The following FECH variants were observed in gnomAD, a reference collection of about 807,000 sequenced individuals.
The protein encoded by FECH is ferrochelatase.
FECH carries 40 observed loss-of-function variants against 56.9 expected under a neutral mutation model. The ratio of observed to expected loss-of-function variants is 0.70; its 90% CI spans 0.55 to 0.92. The LOEUF (loss-of-function observed/expected upper bound fraction) is 0.92, where lower values mean the gene tolerates loss of function less well. FECH is among the 40% of genes least tolerant of loss of function. The probability of loss-of-function intolerance (pLI) is 0.00; values close to 1 mark genes in which losing one functional copy is unlikely to be tolerated. For missense variants in FECH, 431 were observed against 529.1 expected (o/e 0.81, Z 1.82); for synonymous variants, 175 against 198.6 (o/e 0.88, Z 1.00).
chr18:57,581,700 G>A (rs2051280231), intron 1 of FECH, among the ~76,000 whole-genome samples: 1 of 152,216 alleles, frequency 6.6e-6, no homozygotes, highest in Non-Finnish European at 1.5e-5. Context: ...AGGGATTCTT[G>A]AAAGGAGTAG....
At chr18:57,568,493 G>A (rs1437317077) in intron 4 of FECH, among the ~76,000 whole-genome samples, 3 of 152,218 alleles carry the variant, frequency 2.0e-5, no homozygotes, top group African/African-American at 7.2e-5. Flanking sequence ...CCAACAAACA[G>A]TGTTCATGAA....
chr18:57,576,907 G>A (rs896590772), intron 2 of FECH, among the ~76,000 whole-genome samples: 3 of 152,104 alleles, frequency 2.0e-5, no homozygotes, highest in African/African-American at 4.8e-5. Context: ...AGGTCTGAAC[G>A]TTCATGTTCC....
intron 7 of FECH, 51 bp downstream of exon 7, chr18:57,559,094 A>G: frequency 2.4e-6 from 3 of 1,227,164 alleles, no homozygotes; most frequent in Non-Finnish European, 3.6e-6. Context: ...TAGAAAATGA[A>G]ATCACCCAAT....
chr18:57,551,442 C>T, intron 9 of FECH, 68 bp from the exon 10 acceptor site: 1 of 1,253,238 alleles, frequency 8.0e-7, no homozygotes, highest in Non-Finnish European at 1.2e-6. Context: ...TTCAAAGAAA[C>T]TGCTACAAAA....
Position 57,547,387 on chromosome 18 carries a change from G to T in FECH, c.*3325C>A, listed in dbSNP as rs567438587. Among the ~76,000 whole-genome samples the T allele has an allele frequency of 2.0e-5, 3 of 152,078 alleles. No individual in the cohort carries two copies. The highest frequency in any genetic ancestry group is 7.2e-5 in the African/African-American group (3 of 41,406). On this transcript the variant is annotated 3_prime_UTR_variant, in exon 11 of 11. Coordinates refer to ENST00000262093, the MANE Select transcript of FECH (RefSeq NM_000140.5). ...CATAATCCCCACGTGTTGAGGGAGG[G>T]ACCTGGTGGAAGGAGATTGGAACAT...
intron 7 of FECH, among the ~76,000 whole-genome samples, chr18:57,558,546 G>A (rs529597152): frequency 3.0e-4 from 45 of 152,332 alleles, no homozygotes; most frequent in African/African-American, 9.6e-4. Flanking sequence ...GAGCTCTGCT[G>A]ACAGGGCAGG....
intron 7 of FECH, among the ~76,000 whole-genome samples, chr18:57,556,483 A>G (rs980674210): frequency 4.6e-5 from 7 of 152,210 alleles, no homozygotes; most frequent in African/African-American, 1.7e-4. Context: ...TGAGGCACAG[A>G]GCAGGGCCCC....
At chr18:57,563,187 G>A (rs1001020271) in intron 5 of FECH, among the ~76,000 whole-genome samples, 4 of 152,150 alleles carry the variant, frequency 2.6e-5, no homozygotes, top group Admixed American at 1.3e-4. Flanking sequence ...CAATTTCAAT[G>A]GACTTTCAAA....
intron 2 of FECH, among the ~76,000 whole-genome samples, chr18:57,577,890 A>AT (rs1283512714): frequency 2.0e-4 from 30 of 148,984 alleles, no homozygotes; most frequent in Admixed American, 1.1e-3. Context: ...CCTCGTCTCT[A>AT]TTTTTTTTTT....
intron 1 of FECH, among the ~76,000 whole-genome samples, chr18:57,581,029 T>A (rs1344860584): frequency 1.3e-5 from 2 of 152,134 alleles, no homozygotes; most frequent in Non-Finnish European, 2.9e-5. Context: ...ATCCAGGCTG[T>A]CTGTGAGGCT....
intron 4 of FECH, among the ~76,000 whole-genome samples, chr18:57,569,799 G>A (rs1034956619): frequency 1.3e-5 from 2 of 151,828 alleles, no homozygotes; most frequent in Non-Finnish European, 2.9e-5. Flanking sequence ...TCCCACGAGA[G>A]ACAGCATAGC....
intron 2 of FECH, among the ~76,000 whole-genome samples, chr18:57,575,348 C>T (rs1332758467): frequency 6.6e-6 from 1 of 152,244 alleles, no homozygotes; most frequent in Non-Finnish European, 1.5e-5. Flanking sequence ...CCTCTGACCA[C>T]TGCAGTGACT....
Position 57,547,305 on chromosome 18 carries a change from G to A in FECH, c.*3407C>T, listed in dbSNP as rs2050732489. Among the ~76,000 whole-genome samples the A allele has an allele frequency of 6.6e-6, 1 of 152,112 alleles. No individual in the cohort carries two copies. Among genetic ancestry groups the A allele is most frequent in the South Asian group, 2.1e-4 (1 of 4,822 alleles). On this transcript the variant is annotated 3_prime_UTR_variant, in exon 11 of 11. Coordinates refer to ENST00000262093, the MANE Select transcript of FECH (RefSeq NM_000140.5). ...CATGTGATTTGGGAGGGGCCAGGGT[G>A]GAATGATATGATTTGGCTCTGTTCC...
rs1265490382 is a variant in FECH at position 57,548,992 on chromosome 18, A to C, written c.*1720T>G. The stretch of plus-strand genomic sequence containing the variant: ...CAAAAATAACCTTCCTTCCAGCACC[A>C]CACCACCAGCTCAGAGAATTCACTT... On this transcript the variant is annotated 3_prime_UTR_variant, in exon 11 of 11. Coordinates refer to ENST00000262093, the MANE Select transcript of FECH (RefSeq NM_000140.5). 1 of 151,998 alleles carries C rather than the reference A, an allele frequency of 6.6e-6. No individual in the cohort carries two copies. The highest frequency in any genetic ancestry group is 2.4e-5 in the African/African-American group (1 of 41,366). The allele number at this position is 151,998 out of a possible 1,614,324, so 9.4% of individuals were successfully genotyped here.
chr18:57,571,512 G>A lies in FECH; in HGVS notation c.343C>T (p.Arg115Ter), dbSNP rs1198671446. The A allele has an allele frequency of 3.1e-6, 5 of 1,613,778 alleles. No individual in the cohort carries two copies. The highest frequency in any genetic ancestry group is 2.2e-5 in the South Asian group (2 of 91,054). Residue 115 changes from arginine to a stop codon, truncating the protein, a stop_gained, in exon 4 of 11, where the codon CGA becomes TGA. Coordinates refer to ENST00000262093, the MANE Select transcript of FECH (RefSeq NM_000140.5). LOFTEE classifies it high-confidence loss of function. ...TACTGCTCTTGAATCTTGGGGGTTC[G>A]GCGTTTGGCGATGAATGGTGCCAGC... ...NKLAPFIAKRRTPKIQEQYRR... is the reference protein window; with the variant it reads ...NKLAPFIAKR
At chr18:57,574,331 C>T (rs571263210) in intron 2 of FECH, among the ~76,000 whole-genome samples, 1 of 152,224 alleles carries the variant, frequency 6.6e-6, no homozygotes, top group South Asian at 2.1e-4. Context: ...TTCTCCAAGA[C>T]CTCCCTCTAT....
chr18:57,577,878 G>T (rs2051205676), intron 2 of FECH, among the ~76,000 whole-genome samples: 1 of 152,008 alleles, frequency 6.6e-6, no homozygotes, highest in Non-Finnish European at 1.5e-5. Context: ...AACACAGTAA[G>T]ACCTCGTCTC....
At chr18:57,570,303 A>G (rs2051085796) in intron 4 of FECH, among the ~76,000 whole-genome samples, 1 of 152,222 alleles carries the variant, frequency 6.6e-6, no homozygotes, top group Admixed American at 6.5e-5. Flanking sequence ...GCATGCACGG[A>G]GGAACTGCAT....
chr18:57,560,346 T>C (rs1223460400), intron 6 of FECH, among the ~76,000 whole-genome samples: 1 of 152,242 alleles, frequency 6.6e-6, no homozygotes, highest in African/African-American at 2.4e-5. Context: ...AAGTGGGATA[T>C]ACATGTTAAT....
Sources: allele counts gnomAD v4.1 joint callset (sites outside exome capture counted in the v4.1 genomes callset), GRCh38; gene constraint gnomAD v4.1.1; transcripts MANE v1.5; gene names NCBI Gene and HGNC (gene_info 2026-07-23, HGNC 2026-07-21).